The following ELOVL2 variants were observed in gnomAD, a reference collection of about 807,000 sequenced individuals.
The protein encoded by ELOVL2 is very long chain fatty acid elongase 2.
ELOVL2 carries 38 observed loss-of-function variants against 37.7 expected under a neutral mutation model. The observed-to-expected ratio is 1.01, with a 90% CI of 0.78 to 1.32. The LOEUF (loss-of-function observed/expected upper bound fraction) is 1.32, where lower values mean the gene tolerates loss of function less well. Among genes scored for constraint, ELOVL2 ranks in the 40% most tolerant of loss-of-function variants. ELOVL2 has a pLI of 0.00. For synonymous variants in ELOVL2, 115 were observed against 122.3 expected (o/e 0.94, Z 0.40); for missense variants, 352 against 363.6 (o/e 0.97, Z 0.26).
intron 1 of ELOVL2, among the ~76,000 whole-genome samples, chr6:11,034,753 A>G (rs1428446279): frequency 6.6e-6 from 1 of 151,994 alleles, no homozygotes; most frequent in Non-Finnish European, 1.5e-5. Flanking sequence ...CTGTAATCCC[A>G]GCACTTTGGG....
chr6:11,014,360 TCTCAGCTA>T (rs376326569), intron 1 of ELOVL2, among the ~76,000 whole-genome samples: 345 of 151,464 alleles, frequency 2.3e-3, no homozygotes, highest in African/African-American at 7.8e-3. Context: ...ACACCTGTAT[TCTCAGCTA>T]CTCAGAAGGC....
intron 3 of ELOVL2, among the ~76,000 whole-genome samples, chr6:11,001,029 GA>G (rs1290104683): frequency 2.0e-5 from 3 of 152,194 alleles, no homozygotes; most frequent in Admixed American, 6.5e-5. Context: ...ATTTGGGATT[GA>G]TTTGGATCAG....
chr6:10,988,084 C>T (rs535872364), intron 7 of ELOVL2, among the ~76,000 whole-genome samples: 1 of 152,308 alleles, frequency 6.6e-6, no homozygotes, highest in African/African-American at 2.4e-5. Context: ...TAACACTTAG[C>T]GTTTATTGGG....
At chr6:11,000,192 A>G (rs1782357687) in intron 3 of ELOVL2, 28 bp from the exon 4 acceptor site, 2 of 1,598,694 alleles carry the variant, frequency 1.3e-6, no homozygotes, top group African/African-American at 1.3e-5. Flanking sequence ...AAGAAAGAAA[A>G]ACAAACATCA....
At chr6:11,041,600 T>C (rs986978185) in intron 1 of ELOVL2, among the ~76,000 whole-genome samples, 2 of 152,208 alleles carry the variant, frequency 1.3e-5, no homozygotes, top group African/African-American at 4.8e-5. Context: ...GTTGGTTCAT[T>C]GGTTTTAATT....
chr6:10,980,994 C>T lies in ELOVL2; in HGVS notation c.*2787G>A, dbSNP rs1451456136. Reference sequence around the variant, plus strand: ...AAGAACTCAAATGGACTCCTAGATACAAAAGGCTGTTCTGCCCATCACAGT... The same window carrying T: ...AAGAACTCAAATGGACTCCTAGATATAAAAGGCTGTTCTGCCCATCACAGT... On this transcript the variant is annotated 3_prime_UTR_variant, in exon 8 of 8. Coordinates refer to ENST00000354666, the MANE Select transcript of ELOVL2 (RefSeq NM_017770.4). 6.6e-6 allele frequency: 1 copy of T among 152,324 alleles called. No individual in the cohort carries two copies. Among genetic ancestry groups the T allele is most frequent in the African/African-American group, 2.4e-5 (1 of 41,422 alleles). The allele number at this position is 152,324 out of a possible 1,614,324, so 9.4% of individuals were successfully genotyped here. A position where few individuals can be genotyped will look rare whatever the true frequency, so the allele number is the denominator to read the frequency against.
intron 1 of ELOVL2, among the ~76,000 whole-genome samples, chr6:11,024,216 C>CAA (rs1782808271): frequency 6.6e-6 from 1 of 152,148 alleles, no homozygotes; most frequent in African/African-American, 2.4e-5. Flanking sequence ...ATGATTGAGT[C>CAA]AAAATAAAGA....
chr6:10,990,721 T>C (rs1442059194), intron 5 of ELOVL2, among the ~76,000 whole-genome samples: 7 of 151,854 alleles, frequency 4.6e-5, no homozygotes, highest in African/African-American at 1.7e-4. Context: ...TACTGTCTCT[T>C]TAACCGTCAC....
At chr6:11,005,997 C>G (rs1782477576) in intron 2 of ELOVL2, among the ~76,000 whole-genome samples, 1 of 152,144 alleles carries the variant, frequency 6.6e-6, no homozygotes, top group African/African-American at 2.4e-5. Flanking sequence ...ACATCTGCCT[C>G]CCAGCCCCAT....
At chr6:11,013,252 G>C (rs906203175) in intron 1 of ELOVL2, among the ~76,000 whole-genome samples, 1 of 152,198 alleles carries the variant, frequency 6.6e-6, no homozygotes, top group Non-Finnish European at 1.5e-5. Context: ...AGTTAGTAAG[G>C]AAGTAGTCTA....
At chr6:10,989,601 T>C (rs1354665398) in intron 7 of ELOVL2, 102 bp downstream of exon 7, 1 of 1,176,006 alleles carries the variant, frequency 8.5e-7, no homozygotes, top group Non-Finnish European at 1.2e-6. Flanking sequence ...ATCATGCCAC[T>C]GCACTCCAGC....
intron 1 of ELOVL2, among the ~76,000 whole-genome samples, chr6:11,011,515 A>G (rs1175077635): frequency 6.6e-6 from 1 of 152,232 alleles, no homozygotes; most frequent in Non-Finnish European, 1.5e-5. Flanking sequence ...TGTTTCCACA[A>G]AATATATTCA....
Position 11,030,774 on chromosome 6 carries a change from G to A in ELOVL2, c.3+13454C>T, listed in dbSNP as rs557779910. 1.2e-4 allele frequency among the ~76,000 whole-genome samples: 19 copies of A among 152,274 alleles called. 1 individual carries two copies. The South Asian group carries it at 3.9e-3, about 32-fold the overall frequency. On this transcript the variant is annotated intron_variant, in intron 1 of 7. Coordinates refer to ENST00000354666, the MANE Select transcript of ELOVL2 (RefSeq NM_017770.4). Reference sequence around the variant, plus strand: ...CCCAAAGTGCTGGGATTACATGCGTGAGCCACCGTGCCCGGCCATTCAAAT... The same window carrying A: ...CCCAAAGTGCTGGGATTACATGCGTAAGCCACCGTGCCCGGCCATTCAAAT...
At chr6:11,038,675 A>C (rs1169647044) in intron 1 of ELOVL2, among the ~76,000 whole-genome samples, 2 of 152,186 alleles carry the variant, frequency 1.3e-5, no homozygotes, top group Non-Finnish European at 2.9e-5. Flanking sequence ...ATATGGATTA[A>C]ATTATTTAAA....
chr6:11,038,651 A>C (rs1320522021), intron 1 of ELOVL2, among the ~76,000 whole-genome samples: 8 of 152,196 alleles, frequency 5.3e-5, no homozygotes, highest in Non-Finnish European at 7.3e-5. Context: ...ATTTCATTAA[A>C]AACTTATGAT....
Position 11,005,361 on chromosome 6 carries a change from T to G in ELOVL2, c.255+11A>C, listed in dbSNP as rs762580448. 3 of 1,607,470 alleles carry G rather than the reference T, an allele frequency of 1.9e-6. No homozygotes were observed. Among genetic ancestry groups the G allele is most frequent in the Non-Finnish European group, 1.7e-6 (2 of 1,177,052 alleles). Reference sequence around the variant, plus strand: ...TTACTGGACTTCAGCTTTGGCTACATAAACACTTACCTCTGCCAGCATGTA... The same window carrying G: ...TTACTGGACTTCAGCTTTGGCTACAGAAACACTTACCTCTGCCAGCATGTA... On this transcript the variant is annotated intron_variant, in intron 3 of 7. Transcript: ENST00000354666.
chr6:10,999,648 A>G (rs1782342114), intron 4 of ELOVL2, among the ~76,000 whole-genome samples: 1 of 152,210 alleles, frequency 6.6e-6, no homozygotes, highest in East Asian at 1.9e-4. Flanking sequence ...TGCTGGGATT[A>G]CAGGCGTGAG....
intron 1 of ELOVL2, among the ~76,000 whole-genome samples, chr6:11,020,855 C>T (rs1158036808): frequency 6.6e-6 from 1 of 152,164 alleles, no homozygotes. Flanking sequence ...AGTGTGGTTA[C>T]TGTCACTATT....
chr6:11,002,678 C>T (rs898674031), intron 3 of ELOVL2, among the ~76,000 whole-genome samples: 3 of 152,238 alleles, frequency 2.0e-5, no homozygotes, highest in African/African-American at 4.8e-5. Context: ...ACATTTACCT[C>T]GTTGTTCAAC....
Sources: gnomAD v4.1 joint callset for allele counts (sites outside exome capture counted in the v4.1 genomes callset) on GRCh38, gnomAD v4.1.1 for gene constraint, MANE v1.5 for transcripts, NCBI Gene and HGNC (gene_info 2026-07-23, HGNC 2026-07-21) for gene names.